The following DLGAP1 variants were observed in gnomAD, a reference collection of about 807,000 sequenced individuals.
The protein encoded by DLGAP1 is DLG associated protein 1.
DLGAP1 carries 11 observed loss-of-function variants against 90.8 expected under a neutral mutation model. That is an observed-to-expected ratio of 0.12 (90% CI 0.08 to 0.20). The LOEUF (loss-of-function observed/expected upper bound fraction) is 0.20. Among genes scored for constraint, DLGAP1 ranks in the 10% least tolerant of loss-of-function variants. The pLI is 1.00. For synonymous variants in DLGAP1, 558 were observed against 540.7 expected (o/e 1.03, Z -0.44); for missense variants, 1,050 against 1,333.8 (o/e 0.79, Z 3.31).
chr18:3,590,606 G>A (rs2056179098), intron 7 of DLGAP1, among the ~76,000 whole-genome samples: 1 of 152,116 alleles, frequency 6.6e-6, no homozygotes, highest in African/African-American at 2.4e-5. Context: ...TGTAATCCCA[G>A]CACTCTGGGA....
intron 2 of DLGAP1, among the ~76,000 whole-genome samples, chr18:4,009,202 C>T (rs994032139): frequency 2.0e-5 from 3 of 151,792 alleles, no homozygotes; most frequent in East Asian, 1.9e-4. Flanking sequence ...TGCACCTGGC[C>T]GCCACCGAGT....
chr18:3,583,143 G>GACCGACCTACCT (rs1357425317), intron 7 of DLGAP1, among the ~76,000 whole-genome samples: 3 of 113,610 alleles, frequency 2.6e-5, no homozygotes, highest in Non-Finnish European at 6.0e-5. Context: ...CTGACTGACC[G>GACCGACCTACCT]ACCTACCTAC....
At chr18:3,956,563 T>C (rs1027108456) in intron 3 of DLGAP1, among the ~76,000 whole-genome samples, 2 of 152,146 alleles carry the variant, frequency 1.3e-5, no homozygotes, top group Non-Finnish European at 2.9e-5. Flanking sequence ...TTAGCCAGGA[T>C]GGTCTCAATC....
chr18:3,624,696 T>A (rs183394859), intron 7 of DLGAP1, among the ~76,000 whole-genome samples: 11 of 152,206 alleles, frequency 7.2e-5, no homozygotes, highest in African/African-American at 2.7e-4. Flanking sequence ...AAAGTCATGA[T>A]AAAGAAGAGG....
chr18:3,802,391 G>A (rs191810120), intron 5 of DLGAP1, among the ~76,000 whole-genome samples: 2 of 152,322 alleles, frequency 1.3e-5, no homozygotes, highest in African/African-American at 4.8e-5. Flanking sequence ...CTCTGGATAT[G>A]TAAGGATCTT....
At chr18:3,555,968 T>C (rs1031009217) in intron 9 of DLGAP1, among the ~76,000 whole-genome samples, 14 of 152,194 alleles carry the variant, frequency 9.2e-5, no homozygotes, top group African/African-American at 3.1e-4. Context: ...CTTCTTTCTT[T>C]AGAGAGATTC....
rs141538479 is a variant in DLGAP1, at chr18:3,714,996, G to T, written c.1591+14139C>A. 5.4e-3 allele frequency among the ~76,000 whole-genome samples: 818 copies of T among 152,242 alleles called. 12 individuals carry two copies. The highest frequency in any genetic ancestry group is 0.019 in the African/African-American group (792 of 41,552). On this transcript the variant is annotated intron_variant, in intron 7 of 12. Coordinates refer to ENST00000315677, the MANE Select transcript of DLGAP1 (RefSeq NM_004746.4). ...TAGTTTCTCTTTCTTTTAGATGAAG[G>T]CTTCACAATGCTTTGAAGTAACTTG...
intron 5 of DLGAP1, among the ~76,000 whole-genome samples, chr18:3,778,716 T>C (rs2065046706): frequency 6.6e-6 from 1 of 152,106 alleles, no homozygotes; most frequent in African/African-American, 2.4e-5. Context: ...GCAGAAAGGC[T>C]AGGCATGGAT....
chr18:4,424,670 T>C (rs1005125783), intron 1 of DLGAP1, among the ~76,000 whole-genome samples: 2 of 152,212 alleles, frequency 1.3e-5, no homozygotes, highest in African/African-American at 2.4e-5. Context: ...ATTTAATTCA[T>C]GGCATATCTG....
At chr18:4,113,112 T>A (rs562076055) in intron 2 of DLGAP1, among the ~76,000 whole-genome samples, 1 of 152,292 alleles carries the variant, frequency 6.6e-6, no homozygotes, top group Admixed American at 6.5e-5. Context: ...TATTTTCCAC[T>A]GGATATATAT....
chr18:3,621,534 G>A (rs1334615474), intron 7 of DLGAP1, among the ~76,000 whole-genome samples: 2 of 152,154 alleles, frequency 1.3e-5, no homozygotes, highest in Non-Finnish European at 2.9e-5. Flanking sequence ...AGAGAGTTTT[G>A]GCCAAAGGGG....
intron 5 of DLGAP1, among the ~76,000 whole-genome samples, chr18:3,766,838 C>T (rs12604679): frequency 3.3e-5 from 5 of 152,074 alleles, no homozygotes; most frequent in South Asian, 2.1e-4. Flanking sequence ...GAGAGGGAAA[C>T]GTATAGCACT....
rs1270871051 is a variant in DLGAP1 at position 4,454,002 on chromosome 18, T to C, written c.-267+1004A>G. ...CTACGGTCGGGCTGGAGGCAAGCCC[T>C]GCAGCCGGGGGCGAGCGCGGCACTC... On this transcript the variant is annotated intron_variant, in intron 1 of 12. Coordinates refer to ENST00000315677, the MANE Select transcript of DLGAP1 (RefSeq NM_004746.4). The surrounding 1 kb of genome is among the most constrained non-coding windows in gnomAD (Gnocchi z 4.7). 3.9e-5 allele frequency among the ~76,000 whole-genome samples: 6 copies of C among 152,174 alleles called. No homozygotes were observed. Among genetic ancestry groups the C allele is most frequent in the African/African-American group, 1.2e-4 (5 of 41,452 alleles).
chr18:4,293,415 A>G (rs2079898475), intron 1 of DLGAP1: 1 of 152,254 alleles, frequency 6.6e-6, no homozygotes, highest in African/African-American at 2.4e-5. Context: ...AGATACAATG[A>G]TCAAAATAAG....
At chr18:3,616,427 G>A (rs2145963365) in intron 7 of DLGAP1, among the ~76,000 whole-genome samples, 1 of 152,220 alleles carries the variant, frequency 6.6e-6, no homozygotes, top group Non-Finnish European at 1.5e-5. Flanking sequence ...GCCAATCTGT[G>A]CTCTAGAACT....
intron 2 of DLGAP1, among the ~76,000 whole-genome samples, chr18:4,016,869 T>C (rs1482064992): frequency 1.3e-5 from 2 of 152,168 alleles, no homozygotes; most frequent in Non-Finnish European, 2.9e-5. Flanking sequence ...AGTTTTCTCA[T>C]ACATAAAGTA....
intron 2 of DLGAP1, among the ~76,000 whole-genome samples, chr18:4,082,209 GT>G (rs1408128323): frequency 6.6e-6 from 1 of 151,912 alleles, no homozygotes. Context: ...GGGCGTGGCA[GT>G]GTATGCCTGT....
chr18:4,278,089 T>C (rs2079457783), intron 1 of DLGAP1, among the ~76,000 whole-genome samples: 1 of 152,150 alleles, frequency 6.6e-6, no homozygotes, highest in Admixed American at 6.5e-5. Flanking sequence ...TGTTGTTGTT[T>C]TGTATTTGGT....
intron 3 of DLGAP1, among the ~76,000 whole-genome samples, chr18:3,934,837 A>G (rs184044827): frequency 2.0e-4 from 31 of 152,364 alleles, no homozygotes; most frequent in African/African-American, 7.5e-4. Context: ...TGACTACACA[A>G]GTCTGGCTGG....
Sources: gnomAD v4.1 joint callset for allele counts (sites outside exome capture counted in the v4.1 genomes callset) on GRCh38, gnomAD v4.1.1 for gene constraint, Gnocchi (gnomAD v3.1) non-coding constraint, MANE v1.5 for transcripts, NCBI Gene and HGNC (gene_info 2026-07-23, HGNC 2026-07-21) for gene names.